DCC: variants seen among roughly 807,000 people sequenced by gnomAD.
DCC encodes the protein netrin receptor DCC.
In DCC, 58 loss-of-function variants were observed where a neutral mutation model predicts 172.5. That is an observed-to-expected ratio of 0.34 (90% confidence interval 0.27 to 0.42). The LOEUF (loss-of-function observed/expected upper bound fraction) is 0.42. Among genes scored for constraint, DCC ranks in the 10% least tolerant of loss-of-function variants. The pLI is 1.00. For missense variants in DCC, 1,740 were observed against 1,791.0 expected, an observed-to-expected ratio of 0.97 and a Z score of 0.51; for synonymous variants, 709 against 644.5, an observed-to-expected ratio of 1.10 and a Z score of -1.52.
chr18:52,484,803 T>C (rs907798875), intron 1 of DCC, among the ~76,000 whole-genome samples: 16 of 150,354 alleles, frequency 1.1e-4, no homozygotes, highest in African/African-American at 3.0e-4. Flanking sequence ...TATAGTAAAA[T>C]TTTTTAAAAA....
chr18:52,464,407 T>C (rs917701463), intron 1 of DCC, among the ~76,000 whole-genome samples: 2 of 152,150 alleles, frequency 1.3e-5, no homozygotes, highest in African/African-American at 2.4e-5. Context: ...AGTAGATAAA[T>C]GTTAACAGAA....
At chr18:52,627,959 T>C (rs569301917) in intron 1 of DCC, among the ~76,000 whole-genome samples, 1 of 152,352 alleles carries the variant, frequency 6.6e-6, no homozygotes, top group African/African-American at 2.4e-5. Flanking sequence ...TGATTCTTTC[T>C]AGCCCTCTCT....
chr18:52,854,877 G>C (rs2039028645), intron 2 of DCC, among the ~76,000 whole-genome samples: 1 of 152,166 alleles, frequency 6.6e-6, no homozygotes, highest in Non-Finnish European at 1.5e-5. Context: ...GACTGACTGT[G>C]TCTGTGTTTG....
intron 1 of DCC, among the ~76,000 whole-genome samples, chr18:52,347,390 T>A (rs975386941): frequency 1.3e-5 from 2 of 152,192 alleles, no homozygotes; most frequent in African/African-American, 4.8e-5. Flanking sequence ...ATAGATACAA[T>A]ACATCACTAT....
At chr18:53,354,164 G>A (rs936505211) in intron 15 of DCC, among the ~76,000 whole-genome samples, 16 of 152,110 alleles carry the variant, frequency 1.1e-4, no homozygotes, top group Non-Finnish European at 1.5e-5. Context: ...TTCTATCATT[G>A]ATGGACATTT....
chr18:52,919,851 A>G (rs1341868992), intron 3 of DCC, among the ~76,000 whole-genome samples: 1 of 152,106 alleles, frequency 6.6e-6, no homozygotes, highest in African/African-American at 2.4e-5. Context: ...AAGTTACAAC[A>G]GTCAAGATAG....
intron 2 of DCC, among the ~76,000 whole-genome samples, chr18:52,817,524 C>A (rs1451980461): frequency 6.6e-6 from 1 of 152,032 alleles, no homozygotes; most frequent in African/African-American, 2.4e-5. Flanking sequence ...TACATATTTT[C>A]ATAATTGAGA....
At chr18:53,104,832 A>C (rs1193140749) in intron 7 of DCC, among the ~76,000 whole-genome samples, 2 of 151,970 alleles carry the variant, frequency 1.3e-5, no homozygotes, top group African/African-American at 4.8e-5. Flanking sequence ...CCGAATGCTC[A>C]AGAGGTAGAA....
At chr18:53,283,938 A>G (rs890048332) in intron 12 of DCC, among the ~76,000 whole-genome samples, 5 of 152,160 alleles carry the variant, frequency 3.3e-5, no homozygotes, top group African/African-American at 1.2e-4. Flanking sequence ...GGAAACTTTG[A>G]ACTGTGATAA....
chr18:52,671,762 C>A (rs1434824991), intron 1 of DCC, among the ~76,000 whole-genome samples: 1 of 151,974 alleles, frequency 6.6e-6, no homozygotes, highest in African/African-American at 2.4e-5. Flanking sequence ...TCTCGAACTC[C>A]TGACCTCAAG....
chr18:53,088,495 G>T (rs1336777799), intron 7 of DCC, among the ~76,000 whole-genome samples: 2 of 152,150 alleles, frequency 1.3e-5, no homozygotes, highest in East Asian at 1.9e-4. Context: ...AGCTTAAGGA[G>T]ATTTGGGGCT....
chr18:52,448,397 A>T (rs193070327), intron 1 of DCC, among the ~76,000 whole-genome samples: 96 of 152,302 alleles, frequency 6.3e-4, no homozygotes, highest in Non-Finnish European at 9.8e-4. Flanking sequence ...TGGTGAACAG[A>T]GCATACATTT....
intron 27 of DCC, among the ~76,000 whole-genome samples, chr18:53,507,996 C>G (rs903984783): frequency 2.9e-5 from 2 of 69,562 alleles, no homozygotes; most frequent in South Asian, 4.7e-4. Context: ...GGGGTTCACG[C>G]CATTCTCCTG....
chr18:53,161,508 C>T (rs2054839335), intron 8 of DCC, among the ~76,000 whole-genome samples: 1 of 152,178 alleles, frequency 6.6e-6, no homozygotes, highest in African/African-American at 2.4e-5. Flanking sequence ...ATTCTGTGAA[C>T]ATGCTGATGT....
intron 5 of DCC, among the ~76,000 whole-genome samples, chr18:52,961,349 G>C (rs142197589): frequency 3.0e-4 from 46 of 152,186 alleles, no homozygotes; most frequent in African/African-American, 1.1e-3. Flanking sequence ...CACAATGATA[G>C]CACTGATTCT....
intron 26 of DCC, among the ~76,000 whole-genome samples, chr18:53,498,559 T>TG (rs1170321454): frequency 3.7e-4 from 14 of 37,736 alleles, no homozygotes; most frequent in Non-Finnish European, 6.8e-4. Flanking sequence ...CTGTGTTCTC[T>TG]GGAAAAAAAA....
At chr18:52,992,669 T>C (rs1032535895) in intron 5 of DCC, among the ~76,000 whole-genome samples, 1 of 152,096 alleles carries the variant, frequency 6.6e-6, no homozygotes, top group Non-Finnish European at 1.5e-5. Flanking sequence ...GGTATGTGAT[T>C]TTATTGAACC....
At chr18:53,131,168 C>A (rs72921416) in intron 7 of DCC, among the ~76,000 whole-genome samples, 1 of 152,084 alleles carries the variant, frequency 6.6e-6, no homozygotes, top group Non-Finnish European at 1.5e-5. Context: ...ACAAAAGATA[C>A]ATTCACCTTT....
At chr18:52,401,320 C>A (rs923133198) in intron 1 of DCC, among the ~76,000 whole-genome samples, 1 of 151,920 alleles carries the variant, frequency 6.6e-6, no homozygotes, top group African/African-American at 2.4e-5. Context: ...AATAACTTTC[C>A]ATTTCTCCAT....
Sources: gnomAD v4.1 joint callset for allele counts (sites outside exome capture counted in the v4.1 genomes callset) on GRCh38, gnomAD v4.1.1 for gene constraint, MANE v1.5 for transcripts, NCBI Gene and HGNC (gene_info 2026-07-23, HGNC 2026-07-21) for gene names.